The following MARK1 variants were observed in gnomAD, a reference collection of about 807,000 sequenced individuals.
MARK1 encodes the protein microtubule affinity regulating kinase 1, also known as serine/threonine-protein kinase MARK1.
In MARK1, 40 loss-of-function variants were observed where a neutral mutation model predicts 96.3. That is an observed-to-expected ratio of 0.42 (90% CI 0.32 to 0.54). MARK1 has a LOEUF of 0.54. Among genes scored for constraint, MARK1 ranks in the 20% least tolerant of loss-of-function variants. MARK1 has a pLI of 0.16. For missense variants in MARK1, 719 were observed against 984.6 expected, an observed-to-expected ratio of 0.73 and a Z score of 3.61; for synonymous variants, 317 against 341.2, an observed-to-expected ratio of 0.93 and a Z score of 0.78.
intron 1 of MARK1, among the ~76,000 whole-genome samples, chr1:220,556,159 G>A (rs929429013): frequency 6.6e-6 from 1 of 152,022 alleles, no homozygotes; most frequent in East Asian, 1.9e-4. Flanking sequence ...TGGAAGAACT[G>A]GAAATGAACC....
intron 13 of MARK1, among the ~76,000 whole-genome samples, chr1:220,644,453 C>T (rs900384296): frequency 8.9e-6 from 1 of 112,048 alleles, no homozygotes; most frequent in East Asian, 2.9e-4. Flanking sequence ...ACTTAGACCC[C>T]CCCCCCCCCA....
chr1:220,548,704 C>T (rs1357866636), intron 1 of MARK1, among the ~76,000 whole-genome samples: 2 of 151,928 alleles, frequency 1.3e-5, no homozygotes, highest in South Asian at 2.1e-4. Context: ...TGCGGTGAGC[C>T]GAGATTGTGC....
At chr1:220,626,108 A>G in intron 9 of MARK1, 1 of 615,164 alleles carries the variant, frequency 1.6e-6, no homozygotes, top group South Asian at 1.5e-5. Flanking sequence ...GTGAAACTTA[A>G]TAAGCAGCAG....
Position 220,528,477 on chromosome 1 carries a change from G to C in MARK1, c.-346G>C, listed in dbSNP as rs1317229179. On this transcript the variant is annotated 5_prime_UTR_variant, in exon 1 of 18. Transcript: ENST00000366917. ...CGGCTTCACCTTCACCCATGGTCCG[G>C]AGAGCCTAGCGGGGCTCGCCACCGC... is the stretch of plus-strand genomic sequence containing the variant. 3.0e-6 allele frequency: 1 copy of C among 333,420 alleles called. No individual in the cohort carries two copies. Among genetic ancestry groups the C allele is most frequent in the Non-Finnish European group, 5.5e-6 (1 of 182,984 alleles). 20.7% of individuals were successfully genotyped at this position (333,420 alleles called of 1,614,324 possible).
intron 3 of MARK1, among the ~76,000 whole-genome samples, chr1:220,587,277 T>TTTCCTTCCTTCCTTCC (rs1012243945): frequency 6.6e-6 from 1 of 150,506 alleles, no homozygotes; most frequent in African/African-American, 2.4e-5. Context: ...TCCTTCCTTC[T>TTTCCTTCCTTCCTTCC]TTCCTTCCTT....
At chr1:220,608,124 G>T (rs1666200534) in intron 6 of MARK1, among the ~76,000 whole-genome samples, 1 of 152,164 alleles carries the variant, frequency 6.6e-6, no homozygotes, top group Admixed American at 6.5e-5. Flanking sequence ...GTTTCAGAAG[G>T]AATGGTACCA....
chr1:220,553,884 T>G (rs1662052464), intron 1 of MARK1, among the ~76,000 whole-genome samples: 1 of 152,210 alleles, frequency 6.6e-6, no homozygotes, highest in South Asian at 2.1e-4. Flanking sequence ...CAGTGAGTCT[T>G]CGGGGTTCAA....
Position 220,635,836 on chromosome 1 carries a change from G to A in MARK1, c.1280G>A (p.Gly427Asp), listed in dbSNP as rs1279458533. The change falls in exon 13 of 18, where the codon GGT becomes GAT. Residue 427 changes from glycine to aspartate, a missense_variant. Coordinates refer to ENST00000366917, the MANE Select transcript of MARK1 (RefSeq NM_018650.5). ...QKQRRFSDHA[G>D]PSIPPAVSYT... ...GCTATTTTTAAAAAAATTATAGCTG[G>A]TCCATCCATTCCTCCTGCTGTATCA... 1 of 1,579,562 alleles carries A rather than the reference G, an allele frequency of 6.3e-7. No individual in the cohort carries two copies. The highest frequency in any genetic ancestry group is 8.6e-7 in the Non-Finnish European group (1 of 1,167,058).
chr1:220,581,284 G>C (rs1664223739), intron 3 of MARK1, among the ~76,000 whole-genome samples, 166 bp downstream of exon 3: 1 of 152,098 alleles, frequency 6.6e-6, no homozygotes, highest in Non-Finnish European at 1.5e-5. Context: ...TTACCAAGTA[G>C]TTGCTTGAAA....
At chr1:220,632,152 T>A in intron 10 of MARK1, 49 bp from the exon 11 acceptor site, 1 of 898,304 alleles carries the variant, frequency 1.1e-6, no homozygotes, top group Non-Finnish European at 1.6e-6. Flanking sequence ...TTGATTTGTT[T>A]ACGAAAATAA....
intron 13 of MARK1, among the ~76,000 whole-genome samples, chr1:220,643,043 C>G (rs1279064630): frequency 2.0e-5 from 3 of 152,106 alleles, no homozygotes; most frequent in African/African-American, 4.8e-5. Context: ...AAGAATGCCT[C>G]TTCTCCTCCA....
chr1:220,553,448 T>C (rs1214859813), intron 1 of MARK1, among the ~76,000 whole-genome samples: 2 of 152,184 alleles, frequency 1.3e-5, no homozygotes, highest in Non-Finnish European at 2.9e-5. Context: ...GAACTCCCCA[T>C]GAGGCCATAC....
At chr1:220,580,108 G>A (rs906960423) in intron 2 of MARK1, among the ~76,000 whole-genome samples, 2 of 151,750 alleles carry the variant, frequency 1.3e-5, no homozygotes, top group Non-Finnish European at 2.9e-5. Context: ...GTATGCTAGG[G>A]TTACAGACTT....
At position 220,657,846 on chromosome 1, in the gene MARK1, C is replaced by T. The variant is rs1373369274; in HGVS notation, c.2033+12C>T. 1 of 1,539,938 alleles carries T rather than the reference C, an allele frequency of 6.5e-7. No homozygotes were observed. The highest frequency in any genetic ancestry group is 1.7e-4 in the Middle Eastern group (1 of 5,844). The stretch of plus-strand genomic sequence containing the variant: ...ACCGACACCTCAAGGTGAGGAGCCA[C>T]TATTAATACTTCGCTGCTAGGTCCC... On this transcript the variant is annotated intron_variant, in intron 17 of 17. Transcript: ENST00000366917.
At chr1:220,534,539 G>A (rs1478082823) in intron 1 of MARK1, among the ~76,000 whole-genome samples, 19 of 151,918 alleles carry the variant, frequency 1.3e-4, no homozygotes, top group Admixed American at 1.2e-3. Context: ...GAACATATTT[G>A]TCTCTCTGTA....
intron 3 of MARK1, among the ~76,000 whole-genome samples, chr1:220,593,143 T>G (rs980036214): frequency 6.6e-5 from 10 of 152,134 alleles, no homozygotes; most frequent in Non-Finnish European, 1.2e-4. Context: ...TAATAACAAG[T>G]TCATAAACTT....
chr1:220,546,488 G>A (rs940038471), intron 1 of MARK1, among the ~76,000 whole-genome samples: 21 of 152,156 alleles, frequency 1.4e-4, no homozygotes, highest in African/African-American at 3.1e-4. Context: ...TTGGTATATC[G>A]TTGTCCTTTA....
chr1:220,607,455 C>T (rs370537608), intron 6 of MARK1, among the ~76,000 whole-genome samples: 2 of 152,262 alleles, frequency 1.3e-5, no homozygotes, highest in South Asian at 2.1e-4. Flanking sequence ...AATTTACAAT[C>T]ATGTCATCTG....
intron 1 of MARK1, among the ~76,000 whole-genome samples, chr1:220,535,076 A>G (rs1260817665): frequency 1.3e-5 from 2 of 152,042 alleles, no homozygotes; most frequent in Admixed American, 6.5e-5. Flanking sequence ...GTTGGGTCAT[A>G]TGGTAGTTCT....
Sources: gnomAD v4.1 joint callset for allele counts (sites outside exome capture counted in the v4.1 genomes callset) on GRCh38, gnomAD v4.1.1 for gene constraint, MANE v1.5 for transcripts, NCBI Gene and HGNC (gene_info 2026-07-23, HGNC 2026-07-21) for gene names.